RECQL5: variants seen among roughly 807,000 people sequenced by gnomAD.
RECQL5 encodes RecQ like helicase 5, also known as ATP-dependent DNA helicase Q5.
A neutral mutation model predicts 103.4 loss-of-function variants in RECQL5; 88 were observed. That is an observed-to-expected ratio of 0.85 (90% CI 0.72 to 1.02). The LOEUF is 1.02. Ranked by LOEUF, RECQL5 falls within the 50% of genes least tolerant of loss-of-function variation. The probability of loss-of-function intolerance (pLI) is 0.00; values close to 1 mark genes in which losing one functional copy is unlikely to be tolerated. For synonymous variants in RECQL5, 552 were observed against 507.9 expected, an observed-to-expected ratio of 1.09 and a Z score of -1.17; for missense variants, 1,232 against 1,284.3, an observed-to-expected ratio of 0.96 and a Z score of 0.62.
At chr17:75,657,388 C>G (rs1055262886) in intron 7 of RECQL5, among the ~76,000 whole-genome samples, 2 of 151,916 alleles carry the variant, frequency 1.3e-5, no homozygotes, top group Non-Finnish European at 2.9e-5. Flanking sequence ...ACAGAGAGAC[C>G]CCATCTCTTT....
At chr17:75,665,440 C>G (rs928376684) in intron 2 of RECQL5, among the ~76,000 whole-genome samples, 4 of 152,122 alleles carry the variant, frequency 2.6e-5, no homozygotes, top group Non-Finnish European at 5.9e-5. Context: ...GCCTGTAATC[C>G]CAGCACTTTG....
At chr17:75,651,089 C>T in intron 8 of RECQL5, 97 bp downstream of exon 8, 1 of 1,606,316 alleles carries the variant, frequency 6.2e-7, no homozygotes, top group South Asian at 1.1e-5. Flanking sequence ...CCTTGGTAGC[C>T]TACGGGCTGT....
chr17:75,664,376 A>G (rs951138891), intron 3 of RECQL5, among the ~76,000 whole-genome samples: 1 of 152,210 alleles, frequency 6.6e-6, no homozygotes, highest in African/African-American at 2.4e-5. Context: ...CAACTTAGCT[A>G]TCTATCCATC....
At chr17:75,641,896 C>T (rs549935035) in intron 8 of RECQL5, among the ~76,000 whole-genome samples, 87 of 152,280 alleles carry the variant, frequency 5.7e-4, no homozygotes, top group African/African-American at 1.9e-3. Flanking sequence ...TTCCCTAAGC[C>T]GAACTCCCCC....
chr17:75,642,071 A>G (rs1447878891), intron 8 of RECQL5, among the ~76,000 whole-genome samples: 1 of 152,202 alleles, frequency 6.6e-6, no homozygotes, highest in African/African-American at 2.4e-5. Context: ...CAACCAGGGC[A>G]ACAGGGACCC....
chr17:75,628,821 G>A (rs1458550798), intron 16 of RECQL5, 59 bp from the exon 17 acceptor site: 2 of 1,601,480 alleles, frequency 1.2e-6, no homozygotes, highest in Admixed American at 1.8e-5. Context: ...CTCATCCCAG[G>A]AGGCCTAGGA....
At chr17:75,664,396 T>C (rs2059739695) in intron 3 of RECQL5, among the ~76,000 whole-genome samples, 1 of 152,224 alleles carries the variant, frequency 6.6e-6, no homozygotes, top group African/African-American at 2.4e-5. Flanking sequence ...CTGCAACTTC[T>C]GTCTCAACAT....
rs114393199 is a variant in RECQL5, at chr17:75,661,625, G to T, written c.855C>A (p.Asn285Lys). 6.2e-7 allele frequency: 1 copy of T among 1,613,992 alleles called. No individual in the cohort carries two copies. Among genetic ancestry groups the T allele is most frequent in the South Asian group, 1.1e-5 (1 of 91,070 alleles). Residue 285 changes from asparagine to lysine, a missense_variant, in exon 5 of 20, where the codon AAC becomes AAA. Transcript: ENST00000317905. Reference protein sequence around the residue: ...LAIELSCRGVNAKAYHAGLKA... With the variant: ...LAIELSCRGVKAKAYHAGLKA... The stretch of plus-strand genomic sequence containing the variant: ...CCTTACCTGCATGGTAAGCCTTGGC[G>T]TTCACACCCCTGCAGCTGAGCTCTA...
At position 75,665,129 on chromosome 17, in the gene RECQL5, T is replaced by C; in HGVS notation, c.174A>G (p.Lys58=). 6.2e-7 allele frequency: 1 copy of C among 1,612,230 alleles called. No individual in the cohort carries two copies. Among genetic ancestry groups the C allele is most frequent in the Non-Finnish European group, 8.5e-7 (1 of 1,179,392 alleles). ...GAGCAGGGAGCTGATAGCATAGGGA[T>C]TTTCCTGCCCCTGTGGGCATGCACA... ...VFVCMPTGAG[K]SLCYQLPALL... The change falls in exon 3 of 20, where the codon AAA becomes AAG. Residue 58 remains lysine, a synonymous_variant. Coordinates refer to ENST00000317905, the MANE Select transcript of RECQL5 (RefSeq NM_004259.7).
intron 8 of RECQL5, chr17:75,634,193 G>A: frequency 1.0e-6 from 1 of 985,520 alleles, no homozygotes; most frequent in South Asian, 4.7e-5. Context: ...CCCAACACCT[G>A]AGCTCCCAGG....
chr17:75,646,321 G>C (rs1454815031), intron 8 of RECQL5: 1 of 152,434 alleles, frequency 6.6e-6, no homozygotes, highest in Non-Finnish European at 1.5e-5. Flanking sequence ...CTCGGGGCAG[G>C]TCCGCAGTCC....
Position 75,631,136 on chromosome 17 carries a change from G to A in RECQL5, c.1548+14C>T, listed in dbSNP as rs776086306. ...CCAGGGGCCCCACACAGGCCACTGA[G>A]TGCCTCCCCTCACCTTGCGCAGCTG... On this transcript the variant is annotated intron_variant, in intron 10 of 19. Transcript: ENST00000317905. The A allele has an allele frequency of 1.9e-6, 3 of 1,613,074 alleles. No individual in the cohort carries two copies. The highest frequency in any genetic ancestry group is 1.3e-5 in the African/African-American group (1 of 74,938).
At chr17:75,633,985 C>A in intron 8 of RECQL5, 1 of 985,534 alleles carries the variant, frequency 1.0e-6, no homozygotes, top group Non-Finnish European at 1.2e-6. Context: ...CCAAGCAGGG[C>A]TTCCTCGGGC....
At chr17:75,656,856 T>C (rs552480936) in intron 7 of RECQL5, among the ~76,000 whole-genome samples, 1 of 151,002 alleles carries the variant, frequency 6.6e-6, no homozygotes, top group South Asian at 2.1e-4. Flanking sequence ...GCCCTTCTCC[T>C]GCCCCAACCT....
At chr17:75,630,428 C>T (rs1156928110) in intron 13 of RECQL5, 151 bp from the exon 14 acceptor site, 2 of 891,460 alleles carry the variant, frequency 2.2e-6, no homozygotes, top group Non-Finnish European at 3.4e-6. Flanking sequence ...TACTGTCCCT[C>T]AGCAGCTGCT....
chr17:75,658,254 A>C (rs776547834), intron 7 of RECQL5, 44 bp downstream of exon 7: 1 of 1,580,590 alleles, frequency 6.3e-7, no homozygotes, highest in Non-Finnish European at 8.6e-7. Context: ...AAAACTGGAG[A>C]GTGGTGGGTC....
In RECQL5 at chr17:75,661,716, G is replaced by C. The variant is rs1221566393; in HGVS notation, c.772-8C>G. 3.1e-6 allele frequency: 5 copies of C among 1,601,910 alleles called. No homozygotes were observed. The African/African-American group carries it at 5.4e-5, about 17-fold the overall frequency. On this transcript the variant is annotated splice_region_variant and splice_polypyrimidine_tract_variant and intron_variant, in intron 4 of 19. Coordinates refer to ENST00000317905, the MANE Select transcript of RECQL5 (RefSeq NM_004259.7). ...AATGCCGCAGCCAGATAACTGAATG[G>C]GGAGATGCAGGAAGAAAATAAGCAT...
At chr17:75,642,650 AGAT>A (rs2059447584) in intron 8 of RECQL5, among the ~76,000 whole-genome samples, 1 of 149,600 alleles carries the variant, frequency 6.7e-6, no homozygotes, top group South Asian at 2.1e-4. Context: ...AGGAGGATGA[AGAT>A]GATGATGAAG....
intron 7 of RECQL5, among the ~76,000 whole-genome samples, chr17:75,655,237 A>AAT (rs1314121841): frequency 1.3e-5 from 2 of 150,166 alleles, no homozygotes; most frequent in South Asian, 2.1e-4. Context: ...ACGCGCGGCT[A>AAT]ATTTTTGTAT....
Sources: allele counts gnomAD v4.1 joint callset (sites outside exome capture counted in the v4.1 genomes callset), GRCh38; gene constraint gnomAD v4.1.1; transcripts MANE v1.5; gene names NCBI Gene and HGNC (gene_info 2026-07-23, HGNC 2026-07-21).